CS: variants seen among roughly 807,000 people sequenced by gnomAD.
CS encodes citrate synthase, mitochondrial.
CS carries 13 observed loss-of-function variants against 61.4 expected under a neutral mutation model. The ratio of observed to expected loss-of-function variants is 0.21; its 90% CI spans 0.14 to 0.34. CS has a LOEUF of 0.34. Ranked by LOEUF, CS falls within the 10% of genes least tolerant of loss-of-function variation. The pLI is 1.00. For synonymous variants in CS, 159 were observed against 215.2 expected (o/e 0.74, Z 2.29); for missense variants, 278 against 573.4 (o/e 0.48, Z 5.26).
chr12:56,285,654 C>A (rs1288239605), intron 3 of CS, among the ~76,000 whole-genome samples: 1 of 151,982 alleles, frequency 6.6e-6, no homozygotes, highest in Non-Finnish European at 1.5e-5. Context: ...CCCAACATAC[C>A]CTACCCTCAA....
intron 9 of CS, 138 bp from the exon 10 acceptor site, chr12:56,273,934 G>C (rs1443323252): frequency 1.4e-6 from 1 of 697,568 alleles, no homozygotes; most frequent in Non-Finnish European, 2.5e-6. Flanking sequence ...CCCAGGCTCA[G>C]GCAATTCTCC....
chr12:56,291,227 T>TGTCA (rs1873115461), intron 1 of CS: 2 of 1,164,524 alleles, frequency 1.7e-6, no homozygotes, highest in Non-Finnish European at 2.1e-6. Context: ...TACCATCAAG[T>TGTCA]GTCAGAACTT....
At chr12:56,283,911 G>A (rs960739649) in intron 3 of CS, 54 bp from the exon 4 acceptor site, 2 of 1,328,686 alleles carry the variant, frequency 1.5e-6, no homozygotes, top group African/African-American at 2.9e-5. Context: ...CCAGTAATCA[G>A]AATGATTCAG....
intron 1 of CS, among the ~76,000 whole-genome samples, chr12:56,299,057 T>C (rs1873396100): frequency 6.7e-6 from 1 of 149,146 alleles, no homozygotes; most frequent in African/African-American, 2.5e-5. Flanking sequence ...AAAAAAAAAA[T>C]TACATACAGC....
rs1393084258 is a variant in CS, at chr12:56,273,580, G to T, written c.1230+7C>A. ...ATTAGAGGGAAAAGAGGGAAAGGAG[G>T]ACTTACCTGGAGCAGCACCCCACTG... On this transcript the variant is annotated splice_region_variant and intron_variant, in intron 10 of 10. Transcript: ENST00000351328. The T allele has an allele frequency of 6.2e-7, 1 of 1,612,550 alleles. No individual in the cohort carries two copies. The highest frequency in any genetic ancestry group is 8.5e-7 in the Non-Finnish European group (1 of 1,178,826).
chr12:56,278,676 G>A (rs1199638086), intron 6 of CS, among the ~76,000 whole-genome samples: 1 of 151,566 alleles, frequency 6.6e-6, no homozygotes, highest in Non-Finnish European at 1.5e-5. Flanking sequence ...GGCGGAGGTT[G>A]CAGTGAGCCG....
intron 5 of CS, 69 bp from the exon 6 acceptor site, chr12:56,282,677 C>A: frequency 6.5e-7 from 1 of 1,535,936 alleles, no homozygotes. Context: ...AAAAGGACAG[C>A]AACATCTGAG....
rs773096230 is a variant in CS at position 56,276,230 on chromosome 12, G to A, written c.589-35C>T. 11 of 1,586,190 alleles carry A rather than the reference G, an allele frequency of 6.9e-6. No individual in the cohort carries two copies. In the South Asian group the frequency reaches 1.0e-4, roughly 14 times the overall value. On this transcript the variant is annotated intron_variant, in intron 6 of 10. Coordinates refer to ENST00000351328, the MANE Select transcript of CS (RefSeq NM_004077.3). ...GAGGAGCAAGATGGAGAAAAAAAAA[G>A]GAATTATCAGCAAAGAAGAATTAGG...
Position 56,271,795 on chromosome 12 carries a change from A to G in CS, c.*1289T>C, listed in dbSNP as rs1214707081. ...TACCCAGGGGTTTACAGTGTGTCCA[A>G]CTCAACAGTGTGGTTCTGGGACTGG... On this transcript the variant is annotated 3_prime_UTR_variant, in exon 11 of 11. Transcript: ENST00000351328. 2 of 450,658 alleles carry G rather than the reference A, an allele frequency of 4.4e-6. No individual in the cohort carries two copies. Among genetic ancestry groups the G allele is most frequent in the Non-Finnish European group, 8.9e-6 (2 of 224,072 alleles). The allele number at this position is 450,658 out of a possible 1,614,324, so 27.9% of individuals were successfully genotyped here.
At chr12:56,276,506 C>T (rs1303155579) in intron 6 of CS, among the ~76,000 whole-genome samples, 2 of 152,130 alleles carry the variant, frequency 1.3e-5, no homozygotes, top group Non-Finnish European at 2.9e-5. Flanking sequence ...AACTAAGGCT[C>T]ATAGTATTAG....
At chr12:56,274,653 AG>A (rs1872586785) in intron 9 of CS, 123 bp downstream of exon 9, 1 of 739,206 alleles carries the variant, frequency 1.4e-6, no homozygotes, top group African/African-American at 1.8e-5. Flanking sequence ...AAATTCTTCA[AG>A]GTAGATAAAT....
intron 1 of CS, among the ~76,000 whole-genome samples, chr12:56,297,870 T>C (rs1317809932): frequency 1.3e-5 from 2 of 152,170 alleles, no homozygotes; most frequent in Non-Finnish European, 2.9e-5. Context: ...CAGGCTAATC[T>C]AGAAAGCACA....
At chr12:56,273,975 A>G in intron 9 of CS, 179 bp from the exon 10 acceptor site, 1 of 574,184 alleles carries the variant, frequency 1.7e-6, no homozygotes, top group Middle Eastern at 4.0e-4. Context: ...CTGGGACCAC[A>G]GGTGCACACC....
intron 1 of CS, among the ~76,000 whole-genome samples, chr12:56,297,625 G>A (rs1264647328): frequency 6.6e-6 from 1 of 152,088 alleles, no homozygotes; most frequent in Non-Finnish European, 1.5e-5. Flanking sequence ...AATCGCTTGA[G>A]CCTGGGAGGC....
rs76675340 is a variant in CS, at chr12:56,280,415, C to A, written c.588+2005G>T. Among the ~76,000 whole-genome samples, 382 of 11,376 alleles carry A rather than the reference C, an allele frequency of 0.034. 101 individuals carry two copies. The Non-Finnish European group carries it at 0.59, about 18-fold the overall frequency. 7.5% of individuals were successfully genotyped at this position (11,376 alleles called of 152,430 possible). A position where few individuals can be genotyped will look rare whatever the true frequency, so the allele number is the denominator to read the frequency against. ...GGGTGACAGTGCAAGACACCGTCTCCCAAAAAAAACAAAAAAAAAAAACAA... is the reference window on the plus strand; with the variant it reads ...GGGTGACAGTGCAAGACACCGTCTCACAAAAAAAACAAAAAAAAAAAACAA... On this transcript the variant is annotated intron_variant, in intron 6 of 10. Transcript: ENST00000351328.
chr12:56,292,060 TCA>T (rs1873142140), intron 1 of CS, among the ~76,000 whole-genome samples: 1 of 152,204 alleles, frequency 6.6e-6, no homozygotes, highest in African/African-American at 2.4e-5. Flanking sequence ...GTATGGTGAC[TCA>T]CACCTTCCTT....
At position 56,286,371 on chromosome 12, in the gene CS, G is replaced by A. The variant is rs970534534; in HGVS notation, c.93+224C>T. 12 of 542,890 alleles carry A rather than the reference G, an allele frequency of 2.2e-5. No individual in the cohort carries two copies. The South Asian group carries it at 3.2e-4, about 15-fold the overall frequency. The allele number at this position is 542,890 out of a possible 1,614,324, so 33.6% of individuals were successfully genotyped here. On this transcript the variant is annotated intron_variant, in intron 2 of 10. Coordinates refer to ENST00000351328, the MANE Select transcript of CS (RefSeq NM_004077.3). Reference sequence around the variant, plus strand: ...TTTACACTACTTAAAACATTTAAAAGAATTAGGCAAATGTATTGATATTCC... The same window carrying A: ...TTTACACTACTTAAAACATTTAAAAAAATTAGGCAAATGTATTGATATTCC...
Position 56,282,551 on chromosome 12 carries a change from T to A in CS, c.457A>T (p.Thr153Ser). 1 of 1,567,566 alleles carries A rather than the reference T, an allele frequency of 6.4e-7. No homozygotes were observed. The highest frequency in any genetic ancestry group is 8.7e-7 in the Non-Finnish European group (1 of 1,154,292). The part of the protein sequence containing the change: ...KRAALPSHVV[T>S]MLDNFPTNLH... ...TTGGTGGGAAAGTTGTCCAGCATGG[T>A]GACCACATGGGAAGGCAGAGCTGCC... Residue 153 changes from threonine to serine, a missense_variant, in exon 6 of 11, where the codon ACC (threonine) becomes TCC (serine). Thr to Ser is a moderately conservative substitution (Grantham distance 58). Around this residue, in one of 2 missense-constraint regions of CS, gnomAD observed 223 missense variants for 503.5 expected, o/e 0.44. Coordinates refer to ENST00000351328, the MANE Select transcript of CS (RefSeq NM_004077.3).
chr12:56,271,718 TATTTTGCATTTTATACAGAACA>T lies in CS; in HGVS notation c.*1344_*1365del. The T allele has an allele frequency of 3.3e-6, 1 of 305,016 alleles. No individual in the cohort carries two copies. The highest frequency in any genetic ancestry group is 2.7e-5 in the South Asian group (1 of 37,496). The allele number at this position is 305,016 out of a possible 1,614,324, so 18.9% of individuals were successfully genotyped here. A position where few individuals can be genotyped will look rare whatever the true frequency, so the allele number is the denominator to read the frequency against. ...CTCAAGCATTGTTAATAAAAACATT[TATTTTGCATTTTATACAGAACA>T]ACCTGAAGTCTCCATCATGACTTGA... On this transcript the variant is annotated 3_prime_UTR_variant, in exon 11 of 11. Coordinates refer to ENST00000351328, the MANE Select transcript of CS (RefSeq NM_004077.3).
Sources: gnomAD v4.1 joint callset for allele counts (sites outside exome capture counted in the v4.1 genomes callset) on GRCh38, gnomAD v4.1.1 for gene constraint, gnomAD v4.1.1 regional missense constraint, MANE v1.5 for transcripts, NCBI Gene and HGNC (gene_info 2026-07-23, HGNC 2026-07-21) for gene names.